The following LRRC37A2 variants were observed in gnomAD, a reference collection of about 807,000 sequenced individuals.
LRRC37A2 encodes leucine rich repeat containing 37 member A2, also known as leucine-rich repeat-containing protein 37A2.
Under a neutral mutation model 68.8 loss-of-function variants are expected in LRRC37A2, and 9 were observed. That is an observed-to-expected ratio of 0.13 (90% CI 0.08 to 0.23). The LOEUF (loss-of-function observed/expected upper bound fraction) is 0.23, where lower values mean the gene tolerates loss of function less well. Ranked by LOEUF, LRRC37A2 falls within the 10% of genes least tolerant of loss-of-function variation. LRRC37A2 has a pLI of 1.00. For missense variants in LRRC37A2, 168 were observed against 950.4 expected (o/e 0.18, Z 10.82); for synonymous variants, 63 against 367.6 (o/e 0.17, Z 9.48).
the LRRC37A2 span, chr17:46,931,502 A>G: frequency 2.2e-5 from 10 of 460,678 alleles, no homozygotes; most frequent in Non-Finnish European, 3.5e-5. Flanking sequence ...CCTGAAGCCT[A>G]ATGTTGCCAT....
chr17:46,749,580 CT>C, the LRRC37A2 span, among the ~76,000 whole-genome samples: 1 of 152,180 alleles, frequency 6.6e-6, no homozygotes, highest in Non-Finnish European at 1.5e-5. Flanking sequence ...CATGTTGCCA[CT>C]TTCTGAATCA....
At chr17:46,863,112 G>A in the LRRC37A2 span, among the ~76,000 whole-genome samples, 1 of 752 alleles carries the variant, frequency 1.3e-3, no homozygotes, top group Non-Finnish European at 2.4e-3. Flanking sequence ...TCGTGGGCTA[G>A]GGAGGGCGTG....
chr17:46,872,684 C>A, the LRRC37A2 span: 3 of 1,613,580 alleles, frequency 1.9e-6, no homozygotes, highest in Non-Finnish European at 2.5e-6. Flanking sequence ...AGGGATGCTG[C>A]GCACCTCGGC....
chr17:46,770,082 A>G, the LRRC37A2 span: 1 of 1,514,240 alleles, frequency 6.6e-7, no homozygotes, highest in Non-Finnish European at 8.8e-7. Flanking sequence ...AGCACTCAGG[A>G]CCCGGCCTGG....
chr17:46,784,094 T>G, the LRRC37A2 span, among the ~76,000 whole-genome samples: 1 of 151,706 alleles, frequency 6.6e-6, no homozygotes, highest in Admixed American at 6.6e-5. Flanking sequence ...GTCACCGGGG[T>G]CTGTGGCAGG....
the LRRC37A2 span, among the ~76,000 whole-genome samples, chr17:46,679,415 G>GA: frequency 3.4e-4 from 45 of 133,720 alleles, no homozygotes; most frequent in Non-Finnish European, 4.6e-4. Flanking sequence ...CTAAAATATG[G>GA]AAAAAAACGT....
the LRRC37A2 span, among the ~76,000 whole-genome samples, chr17:46,873,988 CAAAA>C: frequency 2.4e-3 from 164 of 69,724 alleles, no homozygotes; most frequent in African/African-American, 7.9e-3. Flanking sequence ...GACTCTGTCT[CAAAA>C]AAAAAAAAAA....
At chr17:46,533,623 T>A (rs1385284561) in intron 6 of LRRC37A2, among the ~76,000 whole-genome samples, 1 of 82,962 alleles carries the variant, frequency 1.2e-5, no homozygotes, top group African/African-American at 8.1e-5. Context: ...TGCCTCAGCC[T>A]CCTGAGTAGC....
the LRRC37A2 span, among the ~76,000 whole-genome samples, chr17:46,853,363 C>CTTTTTT: frequency 1.0e-3 from 82 of 78,906 alleles, 8 homozygotes; most frequent in East Asian, 5.0e-3. Context: ...ATGCTAGTGA[C>CTTTTTT]TTTTTTTTTT....
the LRRC37A2 span, chr17:46,872,845 C>T: frequency 6.8e-7 from 1 of 1,479,042 alleles, no homozygotes; most frequent in Non-Finnish European, 9.0e-7. Context: ...CTGGGAGAGG[C>T]TGCCCTTTCC....
At chr17:46,974,987 CTTTTTTTTTTTTTTT>C in the LRRC37A2 span, among the ~76,000 whole-genome samples, 122 of 119,064 alleles carry the variant, frequency 1.0e-3, no homozygotes, top group African/African-American at 3.6e-3. Flanking sequence ...TTACTATTTT[CTTTTTTTTTTTTTTT>C]TTTTTTTTTT....
the LRRC37A2 span, chr17:46,704,617 A>G: frequency 7.3e-6 from 6 of 817,118 alleles, no homozygotes; most frequent in South Asian, 1.2e-4. Flanking sequence ...CTTATCACAT[A>G]TATGGTTTGC....
chr17:46,900,410 CCAG>C, the LRRC37A2 span, among the ~76,000 whole-genome samples: 1 of 151,744 alleles, frequency 6.6e-6, no homozygotes, highest in Non-Finnish European at 1.5e-5. Flanking sequence ...GTCACCACAC[CCAG>C]CTAATTTTGT....
At chr17:46,779,353 T>C in the LRRC37A2 span, among the ~76,000 whole-genome samples, 1 of 152,098 alleles carries the variant, frequency 6.6e-6, no homozygotes, top group East Asian at 1.9e-4. Flanking sequence ...CACTGACAGC[T>C]GGTGAGGGGG....
the LRRC37A2 span, among the ~76,000 whole-genome samples, chr17:46,908,943 C>CTGTCA: frequency 1.3e-5 from 2 of 152,206 alleles, no homozygotes; most frequent in African/African-American, 4.8e-5. Context: ...AGGCCCTGGG[C>CTGTCA]TGTCAGGCTG....
the LRRC37A2 span, among the ~76,000 whole-genome samples, chr17:46,854,381 A>G: frequency 6.6e-6 from 1 of 152,334 alleles, no homozygotes; most frequent in Middle Eastern, 3.4e-3. Flanking sequence ...TGATAAGAGA[A>G]TATGCAAACA....
At chr17:46,876,207 A>C in the LRRC37A2 span, 1 of 1,546,460 alleles carries the variant, frequency 6.5e-7, no homozygotes, top group Non-Finnish European at 8.8e-7. Context: ...TGCTGGGCCC[A>C]GGCCTCTGAC....
the LRRC37A2 span, among the ~76,000 whole-genome samples, chr17:46,684,774 T>TA: frequency 9.4e-5 from 12 of 128,328 alleles, no homozygotes; most frequent in South Asian, 2.9e-4. Flanking sequence ...GTAAAAATCC[T>TA]AAAAAAAACC....
the LRRC37A2 span, among the ~76,000 whole-genome samples, chr17:46,500,110 CTG>C: frequency 6.7e-6 from 1 of 149,300 alleles, no homozygotes; most frequent in African/African-American, 2.6e-5. Context: ...TTAACCTAGA[CTG>C]TGCTGGAAGT....
Sources: allele counts gnomAD v4.1 joint callset (sites outside exome capture counted in the v4.1 genomes callset), GRCh38; gene constraint gnomAD v4.1.1; transcripts MANE v1.5; gene names NCBI Gene and HGNC (gene_info 2026-07-23, HGNC 2026-07-21).